STRBP: variants seen among roughly 807,000 people sequenced by gnomAD.
STRBP encodes the protein spermatid perinuclear RNA binding protein.
Under a neutral mutation model 80.1 loss-of-function variants are expected in STRBP, and 13 were observed. The observed-to-expected ratio is 0.16, with a 90% CI of 0.11 to 0.26. STRBP has a LOEUF of 0.26. Ranked by LOEUF, STRBP falls within the 10% of genes least tolerant of loss-of-function variation. STRBP has a pLI of 1.00. For missense variants in STRBP, 485 were observed against 815.2 expected, an observed-to-expected ratio of 0.59 and a Z score of 4.93; for synonymous variants, 284 against 291.2, an observed-to-expected ratio of 0.98 and a Z score of 0.25.
rs1052294898 is a variant in STRBP at position 123,125,560 on chromosome 9, G to C, written c.*37C>G. 6.2e-7 allele frequency: 1 copy of C among 1,607,462 alleles called. No homozygotes were observed. On this transcript the variant is annotated 3_prime_UTR_variant, in exon 19 of 19. Transcript: ENST00000348403. ...TTTCTCTAACATTCTGTGTTGTACTGTATTGTTGTTCAATAGGAATTAGCT... is the reference window on the plus strand; with the variant it reads ...TTTCTCTAACATTCTGTGTTGTACTCTATTGTTGTTCAATAGGAATTAGCT...
chr9:123,226,520 GA>G (rs995893811), intron 2 of STRBP, among the ~76,000 whole-genome samples: 32 of 152,290 alleles, frequency 2.1e-4, no homozygotes, highest in African/African-American at 7.2e-4. Context: ...TAAAGGCACA[GA>G]AAAGAGAAGA....
At chr9:123,228,828 C>T (rs767244752) in intron 2 of STRBP, among the ~76,000 whole-genome samples, 5 of 152,082 alleles carry the variant, frequency 3.3e-5, no homozygotes, top group Non-Finnish European at 7.4e-5. Context: ...GAAAGTCTAC[C>T]CTACTAAGTA....
chr9:123,266,800 A>G (rs766462441), intron 1 of STRBP, among the ~76,000 whole-genome samples: 1 of 151,640 alleles, frequency 6.6e-6, no homozygotes, highest in African/African-American at 2.4e-5. Context: ...CCCTTACTCC[A>G]CTATAGGTAT....
rs756296462 is a variant in STRBP, at chr9:123,173,828, C to T, written c.239G>A (p.Arg80Gln). The T allele has an allele frequency of 1.9e-6, 3 of 1,604,614 alleles. No individual in the cohort carries two copies. Among genetic ancestry groups the T allele is most frequent in the South Asian group, 2.2e-5 (2 of 89,338 alleles). The change falls in exon 5 of 19, where the codon CGG becomes CAG. Residue 80 changes from arginine (R) to glutamine (Q), a missense_variant. Arg to Gln is a conservative substitution (Grantham distance 43). This residue lies in a region of STRBP where 377 missense variants were observed against 616.1 expected (regional missense o/e 0.61). Coordinates refer to ENST00000348403, the MANE Select transcript of STRBP (RefSeq NM_018387.5). Reference sequence around the variant, plus strand: ...AATCCTCATTACACCACACAATGTCCGACCACCTTGATCCCTAAAAATAAA... The same window carrying T: ...AATCCTCATTACACCACACAATGTCTGACCACCTTGATCCCTAAAAATAAA... ...GENYSKDQGG[R>Q]TLCGVMRIGL...
intron 6 of STRBP, among the ~76,000 whole-genome samples, chr9:123,165,049 G>A (rs976391862): frequency 3.3e-5 from 5 of 151,910 alleles, no homozygotes; most frequent in African/African-American, 7.3e-5. Flanking sequence ...TTGGGAGGCC[G>A]AGGCAGGCAG....
At chr9:123,209,346 T>C (rs1289580194) in intron 2 of STRBP, among the ~76,000 whole-genome samples, 1 of 152,154 alleles carries the variant, frequency 6.6e-6, no homozygotes, top group African/African-American at 2.4e-5. Flanking sequence ...CATCTACAAA[T>C]ACCAGGAAAG....
Position 123,200,625 on chromosome 9 carries a change from T to C in STRBP, c.-164-16327A>G, listed in dbSNP as rs535451892. Among the ~76,000 whole-genome samples, 110 of 149,708 alleles carry C rather than the reference T, an allele frequency of 7.3e-4. 2 individuals are homozygous for C. The highest frequency in any genetic ancestry group is 2.1e-3 in the Admixed American group (32 of 15,008). On this transcript the variant is annotated intron_variant, in intron 2 of 18. Coordinates refer to ENST00000348403, the MANE Select transcript of STRBP (RefSeq NM_018387.5). The stretch of plus-strand genomic sequence containing the variant: ...CTCTGTCACCCAGGCTAGAGTGCAG[T>C]GGCGCGAACTCGGCTCACTGCAAGC...
chr9:123,120,372 T>C (rs546299808), downstream of STRBP, among the ~76,000 whole-genome samples: 10 of 151,754 alleles, frequency 6.6e-5, no homozygotes, highest in East Asian at 1.9e-3. Context: ...TGGCATCAGA[T>C]GAATGGGAAT....
At chr9:123,253,646 T>C (rs183457488) in intron 1 of STRBP, among the ~76,000 whole-genome samples, 73 of 152,360 alleles carry the variant, frequency 4.8e-4, no homozygotes, top group Non-Finnish European at 8.5e-4. Flanking sequence ...GTGTGAAGAT[T>C]AACAATAATA....
chr9:123,237,434 A>G (rs1371782123), intron 1 of STRBP, among the ~76,000 whole-genome samples: 2 of 151,878 alleles, frequency 1.3e-5, no homozygotes, highest in Non-Finnish European at 2.9e-5. Flanking sequence ...GAGAAAGAAC[A>G]CTCCAATTCC....
chr9:123,120,432 T>C (rs1293442997), downstream of STRBP, among the ~76,000 whole-genome samples: 2 of 140,024 alleles, frequency 1.4e-5, no homozygotes, highest in Non-Finnish European at 3.0e-5. Flanking sequence ...TAACTGCTCT[T>C]AATGACCCTG....
At chr9:123,133,241 T>C (rs2036215530) in intron 16 of STRBP, among the ~76,000 whole-genome samples, 1 of 152,254 alleles carries the variant, frequency 6.6e-6, no homozygotes, top group Non-Finnish European at 1.5e-5. Context: ...AATCAATTTA[T>C]ATCCAAAGTC....
chr9:123,111,790 T>C (rs972190713), intron 3 of STRBP: 6 of 334,532 alleles, frequency 1.8e-5, no homozygotes, highest in Non-Finnish European at 3.1e-5. Context: ...AAGTGTTCCT[T>C]CTTAGAGCTG....
intron 2 of STRBP, among the ~76,000 whole-genome samples, chr9:123,208,147 A>G (rs2039587924): frequency 6.6e-6 from 1 of 151,586 alleles, no homozygotes. Context: ...GGAATGAGAC[A>G]TATTCCAACA....
chr9:123,217,563 G>A (rs781272608), intron 2 of STRBP, among the ~76,000 whole-genome samples: 2 of 152,094 alleles, frequency 1.3e-5, no homozygotes, highest in African/African-American at 4.8e-5. Flanking sequence ...TACTTCCTCC[G>A]AAATTAAAAG....
At chr9:123,158,715 T>C (rs1458299393) in intron 9 of STRBP, among the ~76,000 whole-genome samples, 1 of 152,090 alleles carries the variant, frequency 6.6e-6, no homozygotes. Context: ...TCAGCCCAAA[T>C]CTTAAAAGGG....
At chr9:123,246,624 A>T (rs931971442) in intron 1 of STRBP, among the ~76,000 whole-genome samples, 1 of 152,208 alleles carries the variant, frequency 6.6e-6, no homozygotes, top group Non-Finnish European at 1.5e-5. Flanking sequence ...AGAATTTGAC[A>T]GTTGTGTATT....
chr9:123,267,381 C>CA (rs1210048328), intron 1 of STRBP, among the ~76,000 whole-genome samples: 2 of 151,976 alleles, frequency 1.3e-5, no homozygotes, highest in African/African-American at 2.4e-5. Flanking sequence ...CTACTGTCCC[C>CA]ACCTCTCTCT....
chr9:123,213,887 A>T (rs1406943276), intron 2 of STRBP: 1 of 149,582 alleles, frequency 6.7e-6, no homozygotes, highest in Non-Finnish European at 1.5e-5. Flanking sequence ...GCGCCACTGT[A>T]CTCCAGCCAG....
Sources: allele counts gnomAD v4.1 joint callset (sites outside exome capture counted in the v4.1 genomes callset), GRCh38; gene constraint gnomAD v4.1.1; regional missense constraint gnomAD v4.1.1; transcripts MANE v1.5; gene names NCBI Gene and HGNC (gene_info 2026-07-23, HGNC 2026-07-21).